Variants in ACVR1 observed in about 807,000 individuals in gnomAD.
ACVR1 encodes the protein activin receptor type-1.
In ACVR1, 38 loss-of-function variants were observed where a neutral mutation model predicts 57.1. The ratio of observed to expected loss-of-function variants is 0.67; its 90% CI spans 0.51 to 0.87. ACVR1 has a LOEUF of 0.87. Ranked by LOEUF, ACVR1 falls within the 40% of genes least tolerant of loss-of-function variation. The pLI is 0.00. For synonymous variants in ACVR1, 212 were observed against 228.1 expected (o/e 0.93, Z 0.63); for missense variants, 463 against 638.2 (o/e 0.73, Z 2.96).
intron 1 of ACVR1, among the ~76,000 whole-genome samples, chr2:157,855,347 A>ACACAC (rs1295042051): frequency 8.4e-6 from 1 of 119,740 alleles, no homozygotes; most frequent in African/African-American, 2.9e-5. Context: ...CACACACACA[A>ACACAC]AAATTAGCCG....
intron 10 of ACVR1, among the ~76,000 whole-genome samples, chr2:157,738,041 A>G (rs1167309646): frequency 1.3e-5 from 2 of 152,216 alleles, no homozygotes; most frequent in Non-Finnish European, 1.5e-5. Context: ...GAGTAGCAAT[A>G]CAGGATCTTC....
chr2:157,857,660 T>G (rs1689582140), intron 1 of ACVR1, among the ~76,000 whole-genome samples: 1 of 152,174 alleles, frequency 6.6e-6, no homozygotes, highest in Admixed American at 6.5e-5. Context: ...TACAAAGCCC[T>G]CCAGAAATGT....
chr2:157,825,595 A>G (rs1574114357), intron 1 of ACVR1, among the ~76,000 whole-genome samples: 1 of 152,302 alleles, frequency 6.6e-6, no homozygotes, highest in Non-Finnish European at 1.5e-5. Context: ...CATGTGGGGA[A>G]TCTAGGTTGT....
At chr2:157,825,698 G>A (rs1292392080) in intron 1 of ACVR1, among the ~76,000 whole-genome samples, 4 of 152,206 alleles carry the variant, frequency 2.6e-5, no homozygotes, top group Non-Finnish European at 4.4e-5. Flanking sequence ...TACTCCATCC[G>A]TAGAAAAAAT....
intron 1 of ACVR1, among the ~76,000 whole-genome samples, chr2:157,833,641 G>C (rs1452036309): frequency 6.6e-6 from 1 of 150,930 alleles, no homozygotes; most frequent in Non-Finnish European, 1.5e-5. Flanking sequence ...AATTCAACGA[G>C]TTTCAGGTCA....
intron 3 of ACVR1, among the ~76,000 whole-genome samples, chr2:157,781,381 G>A (rs1380572765): frequency 6.6e-6 from 1 of 152,216 alleles, no homozygotes; most frequent in Non-Finnish European, 1.5e-5. Context: ...ATAAGAGTTT[G>A]CAAGGCTGTA....
chr2:157,857,506 TTCA>T (rs1689576617), intron 1 of ACVR1, among the ~76,000 whole-genome samples: 1 of 152,126 alleles, frequency 6.6e-6, no homozygotes, highest in Non-Finnish European at 1.5e-5. Flanking sequence ...CACTAAATCA[TTCA>T]TCATCAGCAG....
At chr2:157,747,751 G>GT (rs1169029333) in intron 9 of ACVR1, among the ~76,000 whole-genome samples, 2 of 151,226 alleles carry the variant, frequency 1.3e-5, no homozygotes, top group African/African-American at 4.9e-5. Context: ...ACTGATTTGT[G>GT]TGTGGGGGGG....
intron 1 of ACVR1, among the ~76,000 whole-genome samples, chr2:157,832,063 C>T (rs1254700100): frequency 2.0e-5 from 3 of 152,192 alleles, no homozygotes; most frequent in African/African-American, 7.2e-5. Flanking sequence ...CTGGACACAG[C>T]TTGTCTCCCA....
intron 1 of ACVR1, among the ~76,000 whole-genome samples, chr2:157,831,296 A>C (rs932634812): frequency 2.0e-5 from 3 of 152,256 alleles, no homozygotes; most frequent in Non-Finnish European, 4.4e-5. Flanking sequence ...GGAAGATCCA[A>C]GGAATAATAA....
chr2:157,738,641 G>C (rs1471941042), intron 9 of ACVR1, 71 bp from the exon 10 acceptor site: 2 of 1,605,226 alleles, frequency 1.2e-6, no homozygotes, highest in Non-Finnish European at 1.7e-6. Context: ...TCATTGATGG[G>C]TGTCACAGGT....
intron 9 of ACVR1, among the ~76,000 whole-genome samples, chr2:157,756,170 T>C (rs972900555): frequency 1.3e-5 from 2 of 152,108 alleles, no homozygotes; most frequent in Non-Finnish European, 2.9e-5. Context: ...CAACTTAAGA[T>C]GGATCAAGGA....
chr2:157,832,895 C>T (rs942414422), intron 1 of ACVR1, among the ~76,000 whole-genome samples: 68 of 152,044 alleles, frequency 4.5e-4, no homozygotes, highest in African/African-American at 8.7e-4. Flanking sequence ...GCAACTTACC[C>T]GACAATTAAT....
At chr2:157,864,738 C>T (rs1009614376) in intron 1 of ACVR1, among the ~76,000 whole-genome samples, 1 of 152,150 alleles carries the variant, frequency 6.6e-6, no homozygotes, top group African/African-American at 2.4e-5. Context: ...TCAAAAGCTA[C>T]CTCTTATGGT....
At chr2:157,846,708 T>C (rs1379554085) in intron 1 of ACVR1, among the ~76,000 whole-genome samples, 2 of 152,250 alleles carry the variant, frequency 1.3e-5, no homozygotes, top group Non-Finnish European at 2.9e-5. Context: ...TCTGCAATGA[T>C]ACTTATAGGG....
intron 1 of ACVR1, among the ~76,000 whole-genome samples, chr2:157,849,746 C>T (rs553332000): frequency 3.9e-5 from 6 of 152,184 alleles, no homozygotes; most frequent in Non-Finnish European, 8.8e-5. Flanking sequence ...GGAACATACA[C>T]GGATAACCTG....
intron 1 of ACVR1, among the ~76,000 whole-genome samples, chr2:157,865,498 G>C (rs1689882146): frequency 6.6e-6 from 1 of 152,070 alleles, no homozygotes; most frequent in African/African-American, 2.4e-5. Context: ...TAGATAGATA[G>C]ACAGACAGAT....
In ACVR1 at chr2:157,766,210, G is replaced by C; in HGVS notation, c.791-14C>G. 1 of 1,613,324 alleles carries C rather than the reference G, an allele frequency of 6.2e-7. No homozygotes were observed. Among genetic ancestry groups the C allele is most frequent in the Non-Finnish European group, 8.5e-7 (1 of 1,179,622 alleles). ...AAGCAATGAAACCTGGAGAGAGCAA[G>C]AAAAAAATTAATATACATGAGGATT... On this transcript the variant is annotated splice_polypyrimidine_tract_variant and intron_variant, in intron 7 of 10. Transcript: ENST00000434821.
rs117976502 is a variant in ACVR1, at chr2:157,778,718, C to A, written c.332-376G>T. On this transcript the variant is annotated intron_variant, in intron 4 of 10. Coordinates refer to ENST00000434821, the MANE Select transcript of ACVR1 (RefSeq NM_001111067.4). ...TCCTTAAGAGAAAGGGCTACCTGAG[C>A]TAAAACCAAATTACCCATCTGTGGT... is the stretch of plus-strand genomic sequence containing the variant. Among the ~76,000 whole-genome samples the A allele has an allele frequency of 6.4e-4, 98 of 152,336 alleles. 2 individuals carry two copies. The East Asian group carries it at 0.018, about 27-fold the overall frequency.
Sources: allele counts gnomAD v4.1 joint callset (sites outside exome capture counted in the v4.1 genomes callset), GRCh38; gene constraint gnomAD v4.1.1; transcripts MANE v1.5; gene names NCBI Gene and HGNC (gene_info 2026-07-23, HGNC 2026-07-21).